Variants in KIF26B observed in about 807,000 individuals in gnomAD.
The protein encoded by KIF26B is kinesin family member 26B.
In KIF26B, 63 loss-of-function variants were observed where a neutral mutation model predicts 151.2. The ratio of observed to expected loss-of-function variants is 0.42; its 90% CI spans 0.34 to 0.51. The LOEUF (loss-of-function observed/expected upper bound fraction) is 0.51. KIF26B is among the 20% of genes least tolerant of loss of function. The pLI, the probability that KIF26B is intolerant of heterozygous loss-of-function variation, is 0.07. For synonymous variants in KIF26B, 1,357 were observed against 1,262.1 expected, an observed-to-expected ratio of 1.08 and a Z score of -1.59; for missense variants, 2,813 against 2,913.6, an observed-to-expected ratio of 0.97 and a Z score of 0.79.
intron 4 of KIF26B, among the ~76,000 whole-genome samples, chr1:245,527,472 G>A (rs1281723123): frequency 2.9e-5 from 4 of 138,250 alleles, no homozygotes; most frequent in African/African-American, 1.1e-4. Context: ...GTTCATGAAA[G>A]ATAGGAATAA....
chr1:245,190,654 T>TA (rs1553333011), intron 2 of KIF26B, among the ~76,000 whole-genome samples: 12 of 149,814 alleles, frequency 8.0e-5, no homozygotes, highest in African/African-American at 2.2e-4. Context: ...TTTTTTTTTT[T>TA]ACATTTCTTA....
chr1:245,397,101 A>G lies in KIF26B; in HGVS notation c.1000-22478A>G, dbSNP rs539314276. ...CAGCCTCCCGAGTAGCTGGGACTAT[A>G]GGCATGCGCCACCACGCCCAGCTAA... On this transcript the variant is annotated intron_variant, in intron 3 of 14. Coordinates refer to ENST00000407071, the MANE Select transcript of KIF26B (RefSeq NM_018012.4). Among the ~76,000 whole-genome samples the G allele has an allele frequency of 5.9e-5, 9 of 152,152 alleles. No homozygotes were observed. The South Asian group carries it at 1.9e-3, about 32-fold the overall frequency.
rs1445484550 is a variant in KIF26B, at chr1:245,687,427, G to A, written c.4444G>A (p.Gly1482Arg). ...AETRAEQEQD[G>R]KPSPGDRLSS... ...GACCAGAGCAGAGCAGGAGCAGGAC[G>A]GAAAGCCCAGTCCGGGAGACAGGCT... is the stretch of plus-strand genomic sequence containing the variant. Residue 1482 changes from glycine (G) to arginine (R), a missense_variant, in exon 12 of 15, where the codon GGA becomes AGA. Physicochemically the swap from Gly to Arg is moderately radical, Grantham distance 125. Transcript: ENST00000407071. This position sits in a 1 kb window ranked among gnomAD's most constrained non-coding sequence, Gnocchi z 4.9. 2.5e-6 allele frequency: 4 copies of A among 1,588,124 alleles called. No individual in the cohort carries two copies. The highest frequency in any genetic ancestry group is 3.4e-6 in the Non-Finnish European group (4 of 1,167,646).
Position 245,306,845 on chromosome 1 carries a change from G to A in KIF26B, c.466-59989G>A, listed in dbSNP as rs189141644. 3.3e-5 allele frequency among the ~76,000 whole-genome samples: 5 copies of A among 152,232 alleles called. No homozygotes were observed. In the East Asian group the frequency reaches 5.8e-4, roughly 18 times the overall value. On this transcript the variant is annotated intron_variant, in intron 2 of 14. Coordinates refer to ENST00000407071, the MANE Select transcript of KIF26B (RefSeq NM_018012.4). Reference sequence around the variant, plus strand: ...ATCTGATCGAGAGCTCTTTAAGGCCGGGATGTCGGCTTGCTCATATTGGCA... The same window carrying A: ...ATCTGATCGAGAGCTCTTTAAGGCCAGGATGTCGGCTTGCTCATATTGGCA...
intron 4 of KIF26B, among the ~76,000 whole-genome samples, chr1:245,526,390 C>A (rs1044328315): frequency 1.7e-4 from 26 of 152,344 alleles, no homozygotes; most frequent in African/African-American, 6.0e-4. Flanking sequence ...TCCAGCTTTT[C>A]AGCAGAGTCA....
At chr1:245,681,213 C>CT (rs71674433) in intron 10 of KIF26B, among the ~76,000 whole-genome samples, 6,220 of 141,254 alleles carry the variant, frequency 0.044, 199 homozygotes, top group African/African-American at 0.075. Context: ...GTTTTCTTTT[C>CT]TTTTTTTTTT....
rs2103519809 is a variant in KIF26B, at chr1:245,166,110, A to G, written c.465+9427A>G. Among the ~76,000 whole-genome samples the G allele has an allele frequency of 1.3e-5, 2 of 152,282 alleles. No individual in the cohort carries two copies. The highest frequency in any genetic ancestry group is 6.8e-3 in the Middle Eastern group (2 of 294). ...TCTAAACGTGGTTATTCTCATCTCTACAGTGGGAGTCATGACAGAGCCCCA... is the reference window on the plus strand; with the variant it reads ...TCTAAACGTGGTTATTCTCATCTCTGCAGTGGGAGTCATGACAGAGCCCCA... On this transcript the variant is annotated intron_variant, in intron 2 of 14. Coordinates refer to ENST00000407071, the MANE Select transcript of KIF26B (RefSeq NM_018012.4). The surrounding 1 kb of genome is among the most constrained non-coding windows in gnomAD (Gnocchi z 4.5).
intron 2 of KIF26B, among the ~76,000 whole-genome samples, chr1:245,162,791 A>G (rs908564893): frequency 6.6e-6 from 1 of 152,228 alleles, no homozygotes; most frequent in Non-Finnish European, 1.5e-5. Flanking sequence ...TTGGCTTACC[A>G]TTGCCTTTGG....
intron 4 of KIF26B, among the ~76,000 whole-genome samples, chr1:245,498,399 T>C (rs770378735): frequency 6.6e-6 from 1 of 152,064 alleles, no homozygotes; most frequent in Non-Finnish European, 1.5e-5. Context: ...ACATCTTCAC[T>C]GGAGAGGCAG....
At chr1:245,439,316 G>A (rs1351896078) in intron 4 of KIF26B, among the ~76,000 whole-genome samples, 2 of 144,480 alleles carry the variant, frequency 1.4e-5, no homozygotes, top group African/African-American at 2.6e-5. Flanking sequence ...CACTGTACTC[G>A]AGCCTGGGCA....
At chr1:245,240,185 C>T (rs368541258) in intron 2 of KIF26B, among the ~76,000 whole-genome samples, 22 of 152,038 alleles carry the variant, frequency 1.4e-4, no homozygotes, top group African/African-American at 4.6e-4. Flanking sequence ...AGTCATTTCC[C>T]GTGAAAACCA....
At chr1:245,216,053 C>A (rs1472830363) in intron 2 of KIF26B, 1 of 151,620 alleles carries the variant, frequency 6.6e-6, no homozygotes, top group East Asian at 1.9e-4. Context: ...CATAATGAGA[C>A]CTTGTCTCTA....
At chr1:245,503,890 G>A (rs1160881710) in intron 4 of KIF26B, among the ~76,000 whole-genome samples, 1 of 152,210 alleles carries the variant, frequency 6.6e-6, no homozygotes, top group East Asian at 1.9e-4. Flanking sequence ...TACCCTGGTA[G>A]GCCTTTCCCA....
chr1:245,432,030 C>A (rs1487424838), intron 4 of KIF26B, among the ~76,000 whole-genome samples: 1 of 151,890 alleles, frequency 6.6e-6, no homozygotes, highest in Non-Finnish European at 1.5e-5. Context: ...CTTAACCAGA[C>A]CTTCCTTCAG....
At chr1:245,490,147 C>T (rs1277987268) in intron 4 of KIF26B, among the ~76,000 whole-genome samples, 1 of 152,040 alleles carries the variant, frequency 6.6e-6, no homozygotes, top group Non-Finnish European at 1.5e-5. Flanking sequence ...TTGAACTTGG[C>T]AGGAAATAGT....
chr1:245,540,933 AC>A lies in KIF26B; in HGVS notation c.1337del (p.Pro446ArgfsTer6). ...LLRAVNKVKD[T>X]PGLGKVKVML... ...GAGGGCTGTCAACAAGGTGAAGGACACCCCGGGGCTGGGCAAGGTAGGACCA... is the reference window on the plus strand; with the variant it reads ...GAGGGCTGTCAACAAGGTGAAGGACACCCGGGGCTGGGCAAGGTAGGACCA... On this transcript the variant is annotated frameshift_variant, in exon 5 of 15. Coordinates refer to ENST00000407071, the MANE Select transcript of KIF26B (RefSeq NM_018012.4). LOFTEE classifies it high-confidence loss of function. The surrounding 1 kb of genome is among the most constrained non-coding windows in gnomAD (Gnocchi z 4.6). The A allele has an allele frequency of 6.2e-7, 1 of 1,613,042 alleles. No individual in the cohort carries two copies. The highest frequency in any genetic ancestry group is 8.5e-7 in the Non-Finnish European group (1 of 1,179,262).
intron 4 of KIF26B, among the ~76,000 whole-genome samples, chr1:245,460,776 T>G (rs1220470786): frequency 1.3e-5 from 2 of 152,186 alleles, no homozygotes; most frequent in African/African-American, 2.4e-5. Context: ...CCTGCACACA[T>G]GTGTGCTTAC....
At chr1:245,527,813 G>A (rs1277928594) in intron 4 of KIF26B, among the ~76,000 whole-genome samples, 1 of 151,876 alleles carries the variant, frequency 6.6e-6, no homozygotes, top group Non-Finnish European at 1.5e-5. Flanking sequence ...GATTACAGAC[G>A]TGAGCCACCG....
At chr1:245,573,531 A>G (rs1015400223) in intron 5 of KIF26B, among the ~76,000 whole-genome samples, 1 of 152,168 alleles carries the variant, frequency 6.6e-6, no homozygotes, top group Non-Finnish European at 1.5e-5. Context: ...TCACAAAAAA[A>G]TTAAAAAAGA....
Sources: gnomAD v4.1 joint callset for allele counts (sites outside exome capture counted in the v4.1 genomes callset) on GRCh38, gnomAD v4.1.1 for gene constraint, Gnocchi (gnomAD v3.1) non-coding constraint, MANE v1.5 for transcripts, NCBI Gene and HGNC (gene_info 2026-07-23, HGNC 2026-07-21) for gene names.